Variants in WDR27 observed in about 807,000 individuals in gnomAD.
The protein encoded by WDR27 is WD repeat-containing protein 27.
A neutral mutation model predicts 114.4 loss-of-function variants in WDR27; 100 were observed. The ratio of observed to expected loss-of-function variants is 0.87; its 90% CI spans 0.74 to 1.03. The LOEUF is 1.03. WDR27 is among the 50% of genes least tolerant of loss of function. WDR27 has a pLI of 0.00. For missense variants in WDR27, 1,129 were observed against 1,092.9 expected, an observed-to-expected ratio of 1.03 and a Z score of -0.47; for synonymous variants, 449 against 423.1, an observed-to-expected ratio of 1.06 and a Z score of -0.75.
chr6:169,443,990 C>T, the WDR27 span, among the ~76,000 whole-genome samples: 3 of 152,224 alleles, frequency 2.0e-5, no homozygotes, highest in East Asian at 1.9e-4. Context: ...TTGCCATAGC[C>T]CCTCCTTCAG....
intron 25 of WDR27, among the ~76,000 whole-genome samples, chr6:169,523,782 G>A (rs1794660225): frequency 6.6e-6 from 1 of 151,806 alleles, no homozygotes; most frequent in South Asian, 2.1e-4. Flanking sequence ...GGTATAGAAG[G>A]AACATACGTC....
At chr6:169,663,899 G>C (rs1414879147) in intron 8 of WDR27, among the ~76,000 whole-genome samples, 1 of 152,228 alleles carries the variant, frequency 6.6e-6, no homozygotes, top group Non-Finnish European at 1.5e-5. Context: ...GCAACCCATA[G>C]CTGCAAAGCT....
chr6:169,586,226 C>G (rs879571101), intron 23 of WDR27, among the ~76,000 whole-genome samples: 1 of 152,168 alleles, frequency 6.6e-6, no homozygotes, highest in Non-Finnish European at 1.5e-5. Flanking sequence ...TCATGATTTC[C>G]TTGATTGGCC....
At chr6:169,614,114 C>G (rs1811261809) in intron 21 of WDR27, among the ~76,000 whole-genome samples, 1 of 152,156 alleles carries the variant, frequency 6.6e-6, no homozygotes, top group Non-Finnish European at 1.5e-5. Flanking sequence ...CCCACGGGGC[C>G]TCGAGTCCCG....
intron 9 of WDR27, among the ~76,000 whole-genome samples, chr6:169,661,347 T>C (rs1826034856): frequency 2.0e-5 from 3 of 152,172 alleles, no homozygotes; most frequent in South Asian, 4.1e-4. Flanking sequence ...AGGAGGAAAG[T>C]AGCTGGCCCG....
intron 17 of WDR27, among the ~76,000 whole-genome samples, chr6:169,638,991 G>T (rs1267758591): frequency 6.6e-6 from 1 of 151,990 alleles, no homozygotes; most frequent in Non-Finnish European, 1.5e-5. Context: ...ACTGTGCAGT[G>T]CTGGGTACTG....
intron 13 of WDR27, among the ~76,000 whole-genome samples, chr6:169,652,803 C>A (rs961470450): frequency 6.6e-6 from 1 of 152,202 alleles, no homozygotes; most frequent in Non-Finnish European, 1.5e-5. Context: ...TATAATTGTT[C>A]TTACTGAAGG....
At chr6:169,491,625 T>C (rs577385269) in intron 25 of WDR27, among the ~76,000 whole-genome samples, 190 of 152,172 alleles carry the variant, frequency 1.2e-3, no homozygotes, top group Non-Finnish European at 2.3e-3. Flanking sequence ...TGGCTTTGGG[T>C]GCAGAATTAA....
At chr6:169,679,626 C>T (rs1364090240) in intron 2 of WDR27, among the ~76,000 whole-genome samples, 1 of 152,156 alleles carries the variant, frequency 6.6e-6, no homozygotes, top group South Asian at 2.1e-4. Flanking sequence ...ACCACTTGTT[C>T]CTGTTTTCAC....
chr6:169,649,151 G>A, intron 15 of WDR27, 47 bp downstream of exon 15: 2 of 1,486,666 alleles, frequency 1.3e-6, no homozygotes, highest in Non-Finnish European at 1.8e-6. Flanking sequence ...TGTTGGAAAG[G>A]TCTAGGTTAT....
At chr6:169,543,305 A>G (rs1797054058) in intron 25 of WDR27, among the ~76,000 whole-genome samples, 2 of 152,100 alleles carry the variant, frequency 1.3e-5, no homozygotes, top group African/African-American at 4.8e-5. Flanking sequence ...GAAATGTCAT[A>G]CCAAAGTGAG....
intron 25 of WDR27, among the ~76,000 whole-genome samples, chr6:169,501,400 C>CAGT (rs1298221305): frequency 6.6e-6 from 1 of 152,210 alleles, no homozygotes; most frequent in African/African-American, 2.4e-5. Context: ...GGCTTTAAGG[C>CAGT]AGTAGCCCGC....
chr6:169,646,328 C>A (rs1287052982), intron 16 of WDR27, among the ~76,000 whole-genome samples: 1 of 152,230 alleles, frequency 6.6e-6, no homozygotes, highest in Non-Finnish European at 1.5e-5. Context: ...AAGGCCCCTG[C>A]ACCCAGGACA....
At chr6:169,596,085 A>G (rs1296982659) in intron 23 of WDR27, among the ~76,000 whole-genome samples, 1 of 151,124 alleles carries the variant, frequency 6.6e-6, no homozygotes, top group Non-Finnish European at 1.5e-5. Context: ...TTGTTAAGCT[A>G]TATTTCTGTG....
chr6:169,560,318 A>G (rs1441409242), intron 25 of WDR27, among the ~76,000 whole-genome samples: 1 of 152,196 alleles, frequency 6.6e-6, no homozygotes, highest in African/African-American at 2.4e-5. Flanking sequence ...AGGCCTCCCC[A>G]GCCATATGGA....
Position 169,646,759 on chromosome 6 carries a change from A to G in WDR27, c.1657+1014T>C, listed in dbSNP as rs554352871. On this transcript the variant is annotated intron_variant, in intron 16 of 25. Coordinates refer to ENST00000448612, the MANE Select transcript of WDR27 (RefSeq NM_182552.5). ...TGAGTCTCTGTCTCAAAAAAAAAAA[A>G]AAAAGAAAAGAAAGAAATGATAGAT... Among the ~76,000 whole-genome samples the G allele has an allele frequency of 2.8e-4, 43 of 151,984 alleles. No homozygotes were observed. In the South Asian group the frequency reaches 3.7e-3, roughly 13 times the overall value.
At chr6:169,695,676 C>T (rs189412210) in intron 1 of WDR27, among the ~76,000 whole-genome samples, 294 of 152,292 alleles carry the variant, frequency 1.9e-3, no homozygotes, top group Non-Finnish European at 3.2e-3. Context: ...GAGTAACACT[C>T]TCCCTAAGAT....
chr6:169,600,903 C>A (rs1807850864), intron 23 of WDR27, among the ~76,000 whole-genome samples: 1 of 152,142 alleles, frequency 6.6e-6, no homozygotes, highest in African/African-American at 2.4e-5. Flanking sequence ...CGATGTTATC[C>A]AGGAGAACTT....
chr6:169,463,565 T>C (rs1785179763), intron 25 of WDR27, among the ~76,000 whole-genome samples: 1 of 152,180 alleles, frequency 6.6e-6, no homozygotes, highest in Admixed American at 6.5e-5. Flanking sequence ...GCAAAATAAA[T>C]TAAAAGTACC....
Sources: allele counts gnomAD v4.1 joint callset (sites outside exome capture counted in the v4.1 genomes callset), GRCh38; gene constraint gnomAD v4.1.1; transcripts MANE v1.5; gene names NCBI Gene and HGNC (gene_info 2026-07-23, HGNC 2026-07-21).